LARP1B: variants seen among roughly 807,000 people sequenced by gnomAD.
The protein encoded by LARP1B is La ribonucleoprotein 1B.
LARP1B carries 76 observed loss-of-function variants against 114.2 expected under a neutral mutation model. The observed-to-expected ratio is 0.67, with a 90% CI of 0.55 to 0.81. The LOEUF (loss-of-function observed/expected upper bound fraction) is 0.81. Ranked by LOEUF, LARP1B falls within the 30% of genes least tolerant of loss-of-function variation. The pLI, the probability that LARP1B is intolerant of heterozygous loss-of-function variation, is 0.00. For synonymous variants in LARP1B, 345 were observed against 348.0 expected, an observed-to-expected ratio of 0.99 and a Z score of 0.10; for missense variants, 1,014 against 1,075.8, an observed-to-expected ratio of 0.94 and a Z score of 0.80.
At chr4:128,197,561 G>A (rs1754608922) in intron 15 of LARP1B, among the ~76,000 whole-genome samples, 3 of 152,048 alleles carry the variant, frequency 2.0e-5, no homozygotes, top group Admixed American at 2.0e-4. Context: ...GGGTGTGGTG[G>A]CAGGTGCCTG....
intron 6 of LARP1B, among the ~76,000 whole-genome samples, chr4:128,217,060 C>T (rs1759556918): frequency 6.7e-6 from 1 of 150,136 alleles, no homozygotes; most frequent in Admixed American, 6.6e-5. Context: ...GGATACATTC[C>T]TCGACACATA....
chr4:128,069,681 G>A (rs1764444957), intron 1 of LARP1B: 2 of 454,888 alleles, frequency 4.4e-6, no homozygotes, highest in Non-Finnish European at 7.9e-6. Context: ...CACAATATGG[G>A]TTTATTAATC....
intron 12 of LARP1B, among the ~76,000 whole-genome samples, chr4:128,173,596 A>G (rs1744726101): frequency 6.6e-6 from 1 of 152,200 alleles, no homozygotes; most frequent in Non-Finnish European, 1.5e-5. Context: ...AGATAGTAAA[A>G]TAGTTAGCAC....
chr4:128,200,999 G>T (rs1046678144), intron 17 of LARP1B, among the ~76,000 whole-genome samples: 1 of 152,230 alleles, frequency 6.6e-6, no homozygotes, highest in Non-Finnish European at 1.5e-5. Flanking sequence ...CCAAGATGTT[G>T]AAGTGGGCTG....
chr4:128,209,720 CAAAAAA>C (rs11293327), intron 19 of LARP1B, 130 bp from the exon 20 acceptor site: 46 of 492,168 alleles, frequency 9.3e-5, no homozygotes, highest in African/African-American at 5.5e-4. Flanking sequence ...GAGACTCCAT[CAAAAAA>C]AAAAAAAAAA....
chr4:128,220,096 G>A (rs1759891654), intron 6 of LARP1B, among the ~76,000 whole-genome samples: 1 of 152,066 alleles, frequency 6.6e-6, no homozygotes, highest in African/African-American at 2.4e-5. Flanking sequence ...TGTTGGTCAG[G>A]GTGGTCTCAA....
At chr4:128,181,180 C>CTTTTTTTTTTTTTTTTTTTTTTTTTTTTT (rs70966086) in intron 15 of LARP1B, among the ~76,000 whole-genome samples, 2 of 130,006 alleles carry the variant, frequency 1.5e-5, no homozygotes, top group African/African-American at 2.8e-5. Flanking sequence ...CTCATCCATT[C>CTTTTTTTTTTTTTTTTTTTTTTTTTTTTT]TTTTTTTTTT....
chr4:128,123,539 CT>C (rs1788659565), intron 11 of LARP1B: 5 of 445,846 alleles, frequency 1.1e-5, no homozygotes, highest in Non-Finnish European at 1.5e-5. Flanking sequence ...ATTTTACTTA[CT>C]TTTATTCTCT....
At chr4:128,072,263 A>G (rs889258020) in intron 1 of LARP1B, among the ~76,000 whole-genome samples, 1 of 152,180 alleles carries the variant, frequency 6.6e-6, no homozygotes, top group Non-Finnish European at 1.5e-5. Flanking sequence ...GGCCTCCCAA[A>G]GTGGTGGGAT....
intron 12 of LARP1B, among the ~76,000 whole-genome samples, chr4:128,166,364 C>G (rs920300678): frequency 1.3e-5 from 2 of 151,876 alleles, no homozygotes; most frequent in African/African-American, 4.8e-5. Flanking sequence ...GTAAAAGTCA[C>G]CAGCGTTTTC....
At chr4:128,197,029 T>C (rs1464701826) in intron 15 of LARP1B, among the ~76,000 whole-genome samples, 1 of 152,158 alleles carries the variant, frequency 6.6e-6, no homozygotes, top group Non-Finnish European at 1.5e-5. Flanking sequence ...TAGAGGTTAC[T>C]AGGGCTGTAG....
intron 1 of LARP1B, among the ~76,000 whole-genome samples, chr4:128,065,326 TC>T (rs1561012851): frequency 8.1e-4 from 110 of 135,334 alleles, no homozygotes; most frequent in African/African-American, 1.2e-3. Flanking sequence ...TCTCTCTCTC[TC>T]TCTCTTTCCT....
chr4:128,189,200 T>C (rs2150767695), intron 15 of LARP1B, among the ~76,000 whole-genome samples: 1 of 151,930 alleles, frequency 6.6e-6, no homozygotes, highest in Non-Finnish European at 1.5e-5. Flanking sequence ...TATTTTTAAA[T>C]TGTTACAGCC....
rs941779579 is a variant in LARP1B, at chr4:128,210,590, T to C, written c.*537T>C. On this transcript the variant is annotated 3_prime_UTR_variant, in exon 20 of 20. Transcript: ENST00000326639. ...AAAAAAGAATATGAAATTATACCTT[T>C]AGTATCCCTTTGAGACATATAGTTT... The C allele has an allele frequency of 3.6e-5, 33 of 922,860 alleles. No individual in the cohort carries two copies. In the African/African-American group the frequency reaches 5.2e-4, roughly 15 times the overall value. 57.2% of individuals were successfully genotyped at this position (922,860 alleles called of 1,614,324 possible).
intron 11 of LARP1B, among the ~76,000 whole-genome samples, chr4:128,151,976 T>C (rs1340138564): frequency 6.6e-6 from 1 of 152,210 alleles, no homozygotes; most frequent in Non-Finnish European, 1.5e-5. Flanking sequence ...CAGAGACATG[T>C]GATGTCAGTT....
chr4:128,086,966 T>C (rs1445497198), intron 5 of LARP1B, among the ~76,000 whole-genome samples: 2 of 152,056 alleles, frequency 1.3e-5, no homozygotes, highest in African/African-American at 4.8e-5. Context: ...ATTAAAATCA[T>C]TGGCCAGATA....
At chr4:128,163,395 A>G (rs1309575077) in intron 12 of LARP1B, among the ~76,000 whole-genome samples, 2 of 152,164 alleles carry the variant, frequency 1.3e-5, no homozygotes, top group Non-Finnish European at 2.9e-5. Context: ...ATTGAATACT[A>G]TTAGGAGATA....
chr4:128,094,101 A>G (rs545013076), intron 7 of LARP1B, among the ~76,000 whole-genome samples: 47 of 149,190 alleles, frequency 3.2e-4, no homozygotes, highest in African/African-American at 9.9e-4. Flanking sequence ...TAATTTTTGT[A>G]TTTTTATTAG....
Position 128,078,540 on chromosome 4 carries a change from G to A in LARP1B, c.217+578G>A, listed in dbSNP as rs571811173. ...TGCTTGAACCCAGGAGGTGGAGGTTGCAGTGAGCCGAGGTCGCGCCATTGC... is the reference window on the plus strand; with the variant it reads ...TGCTTGAACCCAGGAGGTGGAGGTTACAGTGAGCCGAGGTCGCGCCATTGC... On this transcript the variant is annotated intron_variant, in intron 4 of 19. Transcript: ENST00000326639. Among the ~76,000 whole-genome samples the A allele has an allele frequency of 7.2e-5, 11 of 151,868 alleles. No individual in the cohort carries two copies. In the East Asian group the frequency reaches 9.7e-4, roughly 13 times the overall value.
Sources: gnomAD v4.1 joint callset for allele counts (sites outside exome capture counted in the v4.1 genomes callset) on GRCh38, gnomAD v4.1.1 for gene constraint, MANE v1.5 for transcripts, NCBI Gene and HGNC (gene_info 2026-07-23, HGNC 2026-07-21) for gene names.